GOLGA6B: variants seen among roughly 807,000 people sequenced by gnomAD.
GOLGA6B encodes the protein golgin subfamily A member 6B.
Under a neutral mutation model 63.0 loss-of-function variants are expected in GOLGA6B, and 11 were observed. The ratio of observed to expected loss-of-function variants is 0.17; its 90% CI spans 0.11 to 0.29. The LOEUF (loss-of-function observed/expected upper bound fraction) is 0.29, where lower values mean the gene tolerates loss of function less well. Ranked by LOEUF, GOLGA6B falls within the 10% of genes least tolerant of loss-of-function variation. The pLI is 1.00. For missense variants in GOLGA6B, 134 were observed against 563.8 expected, an observed-to-expected ratio of 0.24 and a Z score of 7.72; for synonymous variants, 46 against 232.6, an observed-to-expected ratio of 0.20 and a Z score of 7.30.
chr15:72,666,256 C>A lies in GOLGA6B; in HGVS notation c.1996C>A (p.Pro666Thr). Residue 666 changes from proline (P) to threonine (T), a missense_variant, in exon 18 of 18, where the codon CCA becomes ACA. Physicochemically the swap from Pro to Thr is conservative, Grantham distance 38. Transcript: ENST00000421285. ...VSLDNNVEPA[P>T]GAAREGSPHD... ...CCTGGACAACAACGTGGAGCCTGCA[C>A]CAGGAGCGGCCAGGGAGGGTTCTCC... The A allele has an allele frequency of 6.2e-7, 1 of 1,603,614 alleles. No homozygotes were observed. Among genetic ancestry groups the A allele is most frequent in the Non-Finnish European group, 8.5e-7 (1 of 1,177,370 alleles).
In GOLGA6B at chr15:72,667,954, A is replaced by G. The variant is rs1319720550; in HGVS notation, c.*1612A>G. Among the ~76,000 whole-genome samples the G allele has an allele frequency of 9.9e-6, 1 of 101,458 alleles. No individual in the cohort carries two copies. The highest frequency in any genetic ancestry group is 3.1e-5 in the African/African-American group (1 of 31,884). 66.6% of individuals were successfully genotyped at this position (101,458 alleles called of 152,430 possible). A position where few individuals can be genotyped will look rare whatever the true frequency, so the allele number is the denominator to read the frequency against. Reference sequence around the variant, plus strand: ...TAGAGGCATATTTTGTGCCATATTTATGTTAATGTGCCTATACGTGATGAG... The same window carrying G: ...TAGAGGCATATTTTGTGCCATATTTGTGTTAATGTGCCTATACGTGATGAG... On this transcript the variant is annotated 3_prime_UTR_variant, in exon 18 of 18. Coordinates refer to ENST00000421285, the MANE Select transcript of GOLGA6B (RefSeq NM_018652.5).
chr15:72,664,558 G>T lies in GOLGA6B; in HGVS notation c.1501+47G>T, dbSNP rs1412730126. The T allele has an allele frequency of 1.4e-5, 17 of 1,209,366 alleles. 5 individuals carry two copies. The South Asian group carries it at 2.3e-4, about 16-fold the overall frequency. The allele number at this position is 1,209,366 out of a possible 1,614,324, so 74.9% of individuals were successfully genotyped here. On this transcript the variant is annotated intron_variant, in intron 13 of 17. Transcript: ENST00000421285. ...AAGAGGAGAGAGCCCCAGGAGGAAG[G>T]GGGGACTGTTAGCAGCATAGGATTG...
In GOLGA6B at chr15:72,669,509, T is replaced by C. The variant is rs1483027960; in HGVS notation, c.*3167T>C. Among the ~76,000 whole-genome samples the C allele has an allele frequency of 3.9e-5, 6 of 152,044 alleles. No homozygotes were observed. The South Asian group carries it at 1.2e-3, about 32-fold the overall frequency. On this transcript the variant is annotated 3_prime_UTR_variant, in exon 18 of 18. Transcript: ENST00000421285. The stretch of plus-strand genomic sequence containing the variant: ...GAATTCTTGTAAACAGAATGTATAA[T>C]AGAAATACTGAAACACTGTTGCCTA...
Position 72,666,197 on chromosome 15 carries a change from G to C in GOLGA6B, c.1955-18G>C, listed in dbSNP as rs375234242. 1 of 1,606,872 alleles carries C rather than the reference G, an allele frequency of 6.2e-7. No individual in the cohort carries two copies. ...AGGCTCGCACTGTGCTCAGACCCCC[G>C]CCTCCCTCTCTCTGAAGATTTTTAT... is the stretch of plus-strand genomic sequence containing the variant. On this transcript the variant is annotated intron_variant, in intron 17 of 17. Coordinates refer to ENST00000421285, the MANE Select transcript of GOLGA6B (RefSeq NM_018652.5).
rs756221029 is a variant in GOLGA6B at position 72,661,272 on chromosome 15, C to G, written c.573C>G (p.Ser191Arg). The G allele has an allele frequency of 6.2e-7, 1 of 1,613,254 alleles. No homozygotes were observed. Among genetic ancestry groups the G allele is most frequent in the African/African-American group, 1.3e-5 (1 of 74,902 alleles). Residue 191 changes from serine (S) to arginine (R), a missense_variant, in exon 8 of 18, where the codon AGC becomes AGG. By Grantham distance (110) the Ser-to-Arg change is moderately radical. Coordinates refer to ENST00000421285, the MANE Select transcript of GOLGA6B (RefSeq NM_018652.5). ...CACTCTTCACCATCCAGTCCTCGAGCTGCAGAGAAGCGGTCCTCCACCGGC... is the reference window on the plus strand; with the variant it reads ...CACTCTTCACCATCCAGTCCTCGAGGTGCAGAGAAGCGGTCCTCCACCGGC... ...TQQQEEDRSS[S>R]CREAVLHRRL...
rs1365852325 is a variant in GOLGA6B, at chr15:72,663,918, T to C, written c.1426-518T>C. 5.4e-5 allele frequency among the ~76,000 whole-genome samples: 7 copies of C among 130,024 alleles called. 2 individuals carry two copies. In the East Asian group the frequency reaches 1.7e-3, roughly 31 times the overall value. The allele number at this position is 130,024 out of a possible 152,430, so 85.3% of individuals were successfully genotyped here. On this transcript the variant is annotated intron_variant, in intron 12 of 17. Coordinates refer to ENST00000421285, the MANE Select transcript of GOLGA6B (RefSeq NM_018652.5). ...TTTTCCGCCAGTCTGTGGCCTACAGTTTAAATGGTGGGAAGAAGGACATGA... is the reference window on the plus strand; with the variant it reads ...TTTTCCGCCAGTCTGTGGCCTACAGCTTAAATGGTGGGAAGAAGGACATGA...
rs773392233 is a variant in GOLGA6B at position 72,662,363 on chromosome 15, C to G, written c.959C>G (p.Ser320Cys). The G allele has an allele frequency of 7.3e-5, 101 of 1,390,386 alleles. 28 individuals are homozygous for G. The highest frequency in any genetic ancestry group is 9.8e-5 in the Non-Finnish European group (100 of 1,025,296). The allele number at this position is 1,390,386 out of a possible 1,614,324, so 86.1% of individuals were successfully genotyped here. Residue 320 changes from serine (S) to cysteine (C), a missense_variant, in exon 11 of 18, where the codon TCC (serine) becomes TGC (cysteine). Ser to Cys is a moderately radical substitution (Grantham distance 112). Coordinates refer to ENST00000421285, the MANE Select transcript of GOLGA6B (RefSeq NM_018652.5). ...GAAGGTCTGGAGGGAAAGCTCCAAT[C>G]CCAGGTGGAAAACAATCAGGCCTTG... ...EVEGLEGKLQ[S>C]QVENNQALSL...
Position 72,665,049 on chromosome 15 carries a change from T to C in GOLGA6B, c.1593+14T>C. On this transcript the variant is annotated intron_variant, in intron 14 of 17. Coordinates refer to ENST00000421285, the MANE Select transcript of GOLGA6B (RefSeq NM_018652.5). ...CGGGAGGCCACGGTGAGCCTGACTTTCCCTGCCCCGCTTTGCCACCTTCCT... is the reference window on the plus strand; with the variant it reads ...CGGGAGGCCACGGTGAGCCTGACTTCCCCTGCCCCGCTTTGCCACCTTCCT... 1.3e-6 allele frequency: 1 copy of C among 789,258 alleles called. No individual in the cohort carries two copies. Among genetic ancestry groups the C allele is most frequent in the South Asian group, 1.5e-5 (1 of 66,010 alleles). The allele number at this position is 789,258 out of a possible 1,614,324, so 48.9% of individuals were successfully genotyped here. A position where few individuals can be genotyped will look rare whatever the true frequency, so the allele number is the denominator to read the frequency against.
At chr15:72,657,472 C>T (rs1200771053) in intron 2 of GOLGA6B, among the ~76,000 whole-genome samples, 2 of 147,108 alleles carry the variant, frequency 1.4e-5, no homozygotes, top group East Asian at 4.1e-4. Flanking sequence ...TGGTTTTAAT[C>T]TCCTCTGCTC....
rs755271288 is a variant in GOLGA6B at position 72,664,503 on chromosome 15, C to T, written c.1493C>T (p.Pro498Leu). The T allele has an allele frequency of 5.2e-5, 70 of 1,355,294 alleles. 12 individuals are homozygous for T. The highest frequency in any genetic ancestry group is 2.2e-4 in the African/African-American group (15 of 68,916). The allele number at this position is 1,355,294 out of a possible 1,614,324, so 84.0% of individuals were successfully genotyped here. A position where few individuals can be genotyped will look rare whatever the true frequency, so the allele number is the denominator to read the frequency against. The change falls in exon 13 of 18, where the codon CCG (proline) becomes CTG (leucine). Residue 498 changes from proline to leucine, a missense_variant. Coordinates refer to ENST00000421285, the MANE Select transcript of GOLGA6B (RefSeq NM_018652.5). ...ACCCAGCTAAGCCTCGTGGCTCTCCCGGGAGAAGGTACAGGAGACCACTCA... is the reference window on the plus strand; with the variant it reads ...ACCCAGCTAAGCCTCGTGGCTCTCCTGGGAGAAGGTACAGGAGACCACTCA... Reference protein sequence around the residue: ...LETQLSLVALPGEGDGGQHLD... With the variant: ...LETQLSLVALLGEGDGGQHLD...
At chr15:72,661,978 C>A in intron 10 of GOLGA6B, 132 bp downstream of exon 10, 1 of 394,516 alleles carries the variant, frequency 2.5e-6, no homozygotes, top group Non-Finnish European at 4.3e-6. Context: ...TGCCAGGAGA[C>A]GGCAAGTTTT....
chr15:72,663,638 A>G (rs744403), intron 12 of GOLGA6B, among the ~76,000 whole-genome samples: 91,552 of 125,808 alleles, frequency 0.73, 39,978 homozygotes, highest in Non-Finnish European at 0.94. Context: ...AGATTGCACC[A>G]CTGCACTCCA....
At position 72,662,457 on chromosome 15, in the gene GOLGA6B, G is replaced by T. The variant is rs554730481; in HGVS notation, c.1053G>T (p.Val351=). The T allele has an allele frequency of 1.4e-5, 20 of 1,393,872 alleles. 4 individuals carry two copies. The Admixed American group carries it at 3.6e-4, about 25-fold the overall frequency. 86.3% of individuals were successfully genotyped at this position (1,393,872 alleles called of 1,614,324 possible). Residue 351 remains valine (V), a synonymous_variant, in exon 11 of 18, where the codon GTG becomes GTT. Coordinates refer to ENST00000421285, the MANE Select transcript of GOLGA6B (RefSeq NM_018652.5). Reference sequence around the variant, plus strand: ...AGGAGATGCTCCGAGAGCAGGAGGTGCAGAGAGTGCGGGAGCAGGAGAGAC... The same window carrying T: ...AGGAGATGCTCCGAGAGCAGGAGGTTCAGAGAGTGCGGGAGCAGGAGAGAC... ...EQEEMLREQE[V]QRVREQERLC... is the part of the protein sequence containing the mutation.
rs1415810293 is a variant in GOLGA6B at position 72,664,088 on chromosome 15, C to G, written c.1426-348C>G. On this transcript the variant is annotated intron_variant, in intron 12 of 17. Coordinates refer to ENST00000421285, the MANE Select transcript of GOLGA6B (RefSeq NM_018652.5). ...ATTAATGGGCCCAGAATCTGGAAGC[C>G]AGCCACCATGTGCCCTCATGCCCAG... is the stretch of plus-strand genomic sequence containing the variant. Among the ~76,000 whole-genome samples the G allele has an allele frequency of 1.5e-5, 2 of 130,000 alleles. 1 individual carries two copies. The highest frequency in any genetic ancestry group is 3.5e-5 in the Non-Finnish European group (2 of 57,712). The allele number at this position is 130,000 out of a possible 152,430, so 85.3% of individuals were successfully genotyped here.
chr15:72,660,622 T>C (rs1469170685), intron 7 of GOLGA6B, among the ~76,000 whole-genome samples: 3 of 105,640 alleles, frequency 2.8e-5, no homozygotes, highest in African/African-American at 1.2e-4. Context: ...GTGTGTGTAC[T>C]ATGATAATAT....
At chr15:72,657,496 C>A (rs4777523) in intron 2 of GOLGA6B, among the ~76,000 whole-genome samples, 101,389 of 124,608 alleles carry the variant, frequency 0.81, 45,588 homozygotes, top group Non-Finnish European at 0.99. Flanking sequence ...TTCAGCGTTT[C>A]CTTTTCCTGA....
rs1358657866 is a variant in GOLGA6B at position 72,662,623 on chromosome 15, AAGAGGCTGTGGGACCAGGAGG to A, written c.1231_1251del (p.Asp411_Trp417del). 4.9e-6 allele frequency: 7 copies of A among 1,431,570 alleles called. No homozygotes were observed. The African/African-American group carries it at 8.9e-5, about 18-fold the overall frequency. The allele number at this position is 1,431,570 out of a possible 1,614,324, so 88.7% of individuals were successfully genotyped here. A position where few individuals can be genotyped will look rare whatever the true frequency, so the allele number is the denominator to read the frequency against. ...GGAGGAGAGGCTGCAAAAGCAGGAA[AAGAGGCTGTGGGACCAGGAGG>A]AGAGGCTGTGGAAGAAGGAGGAGAG... On this transcript the variant is annotated inframe_deletion, in exon 11 of 18. Coordinates refer to ENST00000421285, the MANE Select transcript of GOLGA6B (RefSeq NM_018652.5).
Position 72,668,268 on chromosome 15 carries a change from AAG to A in GOLGA6B, c.*1929_*1930del, listed in dbSNP as rs1431299064. Among the ~76,000 whole-genome samples the A allele has an allele frequency of 7.7e-6, 1 of 130,514 alleles. No individual in the cohort carries two copies. The highest frequency in any genetic ancestry group is 1.5e-5 in the Non-Finnish European group (1 of 65,376). 85.6% of individuals were successfully genotyped at this position (130,514 alleles called of 152,430 possible). Reference sequence around the variant, plus strand: ...TAACAGATGTGCCTGCATTCAGTGAAAGAGTGCAAATATTAAGTCCTTGTGAC... The same window carrying A: ...TAACAGATGTGCCTGCATTCAGTGAAAGTGCAAATATTAAGTCCTTGTGAC... On this transcript the variant is annotated 3_prime_UTR_variant, in exon 18 of 18. Coordinates refer to ENST00000421285, the MANE Select transcript of GOLGA6B (RefSeq NM_018652.5).
At chr15:72,657,951 C>T (rs1490773285) in intron 2 of GOLGA6B, among the ~76,000 whole-genome samples, 551 of 35,502 alleles carry the variant, frequency 0.016, no homozygotes, top group Admixed American at 0.021. Flanking sequence ...GATTTGGGCT[C>T]TTTTTTTTTT....
Sources: gnomAD v4.1 joint callset for allele counts (sites outside exome capture counted in the v4.1 genomes callset) on GRCh38, gnomAD v4.1.1 for gene constraint, MANE v1.5 for transcripts, NCBI Gene and HGNC (gene_info 2026-07-23, HGNC 2026-07-21) for gene names.